The following ADAMTSL1 variants were observed in gnomAD, a reference collection of about 807,000 sequenced individuals.
ADAMTSL1 encodes the protein ADAMTS-like protein 1.
A neutral mutation model predicts 201.8 loss-of-function variants in ADAMTSL1; 126 were observed. The observed-to-expected ratio is 0.62, with a 90% CI of 0.54 to 0.72. ADAMTSL1 has a LOEUF of 0.72. Among genes scored for constraint, ADAMTSL1 ranks in the 30% least tolerant of loss-of-function variants. The probability of loss-of-function intolerance (pLI) is 0.00; values close to 1 mark genes in which losing one functional copy is unlikely to be tolerated. For missense variants in ADAMTSL1, 2,679 were observed against 2,277.8 expected, an observed-to-expected ratio of 1.18 and a Z score of -3.59; for synonymous variants, 1,121 against 903.4, an observed-to-expected ratio of 1.24 and a Z score of -4.32.
chr9:18,592,810 A>G (rs1824010993), intron 4 of ADAMTSL1, among the ~76,000 whole-genome samples: 1 of 152,152 alleles, frequency 6.6e-6, no homozygotes, highest in East Asian at 1.9e-4. Flanking sequence ...ATTGTTTTGA[A>G]TAGTATAGAC....
intron 3 of ADAMTSL1, among the ~76,000 whole-genome samples, chr9:18,540,012 G>C (rs193228950): frequency 3.3e-5 from 5 of 152,144 alleles, no homozygotes; most frequent in Admixed American, 3.3e-4. Flanking sequence ...CACATAGGAT[G>C]AATAAAAAAA....
intron 2 of ADAMTSL1, among the ~76,000 whole-genome samples, chr9:18,523,020 T>A (rs1818800098): frequency 2.0e-5 from 3 of 152,172 alleles, no homozygotes; most frequent in Admixed American, 1.3e-4. Context: ...CGCCACACTG[T>A]CTTCCACAAT....
chr9:18,532,806 C>T (rs1461655329), intron 2 of ADAMTSL1, among the ~76,000 whole-genome samples: 1 of 151,304 alleles, frequency 6.6e-6, no homozygotes, highest in African/African-American at 2.4e-5. Context: ...TTATGACTTT[C>T]CACATTCTTA....
At chr9:18,622,440 C>T (rs1429835443) in intron 5 of ADAMTSL1, 71 bp downstream of exon 5, 2 of 1,602,226 alleles carry the variant, frequency 1.2e-6, no homozygotes, top group Non-Finnish European at 1.7e-6. Flanking sequence ...TCTGGCCCCA[C>T]TAAACAGCCA....
In ADAMTSL1 at chr9:18,872,002, A is replaced by C. The variant is rs1036037353; in HGVS notation, c.4250-15829A>C. On this transcript the variant is annotated intron_variant, in intron 23 of 28. Coordinates refer to ENST00000380548, the MANE Select transcript of ADAMTSL1 (RefSeq NM_001040272.6). ...CCTACCCACAATGCTGGCTGTATCT[A>C]TGTTTCCCAAGTTCCAACCAAGTCA... 3.3e-5 allele frequency among the ~76,000 whole-genome samples: 5 copies of C among 152,148 alleles called. No homozygotes were observed. The East Asian group carries it at 9.6e-4, about 29-fold the overall frequency.
chr9:18,445,150 A>T (rs553609263), intron 2 of ADAMTSL1, among the ~76,000 whole-genome samples: 2 of 152,138 alleles, frequency 1.3e-5, no homozygotes, highest in Non-Finnish European at 2.9e-5. Flanking sequence ...CCTCCTCAAG[A>T]AGTCTGAAAT....
intron 7 of ADAMTSL1, chr9:18,651,087 G>C (rs1828217038): frequency 6.6e-6 from 1 of 152,216 alleles, no homozygotes; most frequent in African/African-American, 2.4e-5. Flanking sequence ...GTGAGAGGCT[G>C]CCGCATTTAC....
At chr9:18,499,727 A>C (rs1351248635) in intron 1 of ADAMTSL1, among the ~76,000 whole-genome samples, 1 of 152,210 alleles carries the variant, frequency 6.6e-6, no homozygotes, top group Non-Finnish European at 1.5e-5. Context: ...TGATGATCTT[A>C]AAATTGTGAG....
chr9:18,768,807 C>G (rs190112989), intron 16 of ADAMTSL1, among the ~76,000 whole-genome samples: 1 of 152,190 alleles, frequency 6.6e-6, no homozygotes, highest in African/African-American at 2.4e-5. Context: ...AACCACTGGT[C>G]GTAACAGAGA....
intron 8 of ADAMTSL1, 90 bp downstream of exon 8, chr9:18,657,840 A>T: frequency 9.1e-7 from 1 of 1,096,374 alleles, no homozygotes; most frequent in Non-Finnish European, 1.4e-6. Flanking sequence ...GCATGGAAGA[A>T]ATTTTGTGCT....
intron 1 of ADAMTSL1, among the ~76,000 whole-genome samples, chr9:17,954,448 G>A (rs548998887): frequency 1.2e-4 from 19 of 152,224 alleles, no homozygotes; most frequent in Admixed American, 1.2e-3. Context: ...CAATTGTCTG[G>A]GATATTAGAT....
chr9:18,853,098 A>G (rs1826604009), intron 23 of ADAMTSL1, among the ~76,000 whole-genome samples: 1 of 152,224 alleles, frequency 6.6e-6, no homozygotes, highest in South Asian at 2.1e-4. Context: ...AGTGCTGTTC[A>G]TAAAATGCAA....
intron 1 of ADAMTSL1, among the ~76,000 whole-genome samples, chr9:18,064,953 G>C (rs1000745175): frequency 2.4e-5 from 2 of 84,690 alleles, no homozygotes; most frequent in African/African-American, 4.5e-5. Flanking sequence ...ATTTGCTAAA[G>C]ATTTTTTTTT....
At chr9:18,045,861 C>A (rs1271764577) in intron 1 of ADAMTSL1, among the ~76,000 whole-genome samples, 1 of 152,034 alleles carries the variant, frequency 6.6e-6, no homozygotes, top group Non-Finnish European at 1.5e-5. Flanking sequence ...TTAACATTTT[C>A]ATCTCAATTG....
intron 1 of ADAMTSL1, among the ~76,000 whole-genome samples, chr9:18,057,823 A>T (rs966125824): frequency 2.0e-5 from 3 of 152,114 alleles, no homozygotes; most frequent in African/African-American, 7.2e-5. Context: ...ATTCTTTAGG[A>T]TTGAGTTTTA....
intron 23 of ADAMTSL1, among the ~76,000 whole-genome samples, chr9:18,885,990 A>C (rs931015036): frequency 2.0e-5 from 3 of 151,636 alleles, no homozygotes; most frequent in Non-Finnish European, 4.4e-5. Flanking sequence ...CTGGATTCAA[A>C]AACAAGAAAT....
intron 21 of ADAMTSL1, among the ~76,000 whole-genome samples, chr9:18,823,550 C>G (rs368301794): frequency 1.4e-4 from 22 of 152,276 alleles, no homozygotes; most frequent in African/African-American, 4.8e-4. Context: ...GTTCCACCCT[C>G]CCTTCTCCCC....
intron 28 of ADAMTSL1, 159 bp from the exon 29 acceptor site, chr9:18,908,283 C>A: frequency 1.5e-6 from 1 of 660,336 alleles, no homozygotes; most frequent in Non-Finnish European, 2.7e-6. Context: ...AGTGGCTGAG[C>A]TCTGTCAAAG....
At chr9:18,742,893 G>A (rs1405343381) in intron 15 of ADAMTSL1, among the ~76,000 whole-genome samples, 2 of 151,900 alleles carry the variant, frequency 1.3e-5, no homozygotes, top group East Asian at 1.9e-4. Context: ...TTCATGATGC[G>A]AGTAATTTCT....
Sources: allele counts gnomAD v4.1 joint callset (sites outside exome capture counted in the v4.1 genomes callset), GRCh38; gene constraint gnomAD v4.1.1; transcripts MANE v1.5; gene names NCBI Gene and HGNC (gene_info 2026-07-23, HGNC 2026-07-21).